The following ESRRG variants were observed in gnomAD, a reference collection of about 807,000 sequenced individuals.
ESRRG encodes the protein estrogen related receptor gamma.
In ESRRG, 13 loss-of-function variants were observed where a neutral mutation model predicts 44.0. The observed-to-expected ratio is 0.30, with a 90% confidence interval of 0.19 to 0.47. The LOEUF is 0.47. ESRRG is among the 20% of genes least tolerant of loss of function. ESRRG has a pLI of 1.00. For synonymous variants in ESRRG, 215 were observed against 214.6 expected (o/e 1.00, Z -0.02); for missense variants, 395 against 580.6 (o/e 0.68, Z 3.29).
intron 2 of ESRRG, among the ~76,000 whole-genome samples, chr1:216,932,653 G>A (rs2063520605): frequency 6.6e-6 from 1 of 150,502 alleles, no homozygotes; most frequent in African/African-American, 2.4e-5. Context: ...GAATTCCTGA[G>A]CTCAGGTGAT....
At chr1:216,724,332 C>T (rs905849057), upstream of ESRRG, among the ~76,000 whole-genome samples, 3 of 149,056 alleles carry the variant, frequency 2.0e-5, no homozygotes, top group African/African-American at 4.9e-5. Context: ...TTAAATCTCT[C>T]TCGATGCATT....
chr1:216,872,046 C>A (rs1038818519), intron 2 of ESRRG, among the ~76,000 whole-genome samples: 1 of 152,236 alleles, frequency 6.6e-6, no homozygotes, highest in East Asian at 1.9e-4. Flanking sequence ...CTTTAGTTCA[C>A]CTTCATTTCT....
intron 2 of ESRRG, among the ~76,000 whole-genome samples, chr1:216,835,153 AATC>A (rs10547362): frequency 0.46 from 69,285 of 151,744 alleles, 17,248 homozygotes; most frequent in African/African-American, 0.66. Context: ...ACCAACTGAT[AATC>A]AGAGTTGAAT....
At chr1:216,538,248 A>G (rs2051592501) in intron 5 of ESRRG, among the ~76,000 whole-genome samples, 1 of 111,976 alleles carries the variant, frequency 8.9e-6, no homozygotes, top group Non-Finnish European at 1.7e-5. Flanking sequence ...TTTTTAAAAA[A>G]TTAAAAATTT....
At chr1:216,577,867 C>A (rs1052211393) in intron 3 of ESRRG, among the ~76,000 whole-genome samples, 4 of 151,900 alleles carry the variant, frequency 2.6e-5, no homozygotes, top group Non-Finnish European at 1.5e-5. Context: ...ATCATACGGG[C>A]AACCTTGGAA....
At chr1:216,856,933 G>T (rs912540127) in intron 2 of ESRRG, among the ~76,000 whole-genome samples, 2 of 151,974 alleles carry the variant, frequency 1.3e-5, no homozygotes, top group Non-Finnish European at 2.9e-5. Context: ...ATAAATTCCA[G>T]TTGACAGCCG....
At chr1:216,551,956 GTC>G (rs1201835744) in intron 5 of ESRRG, among the ~76,000 whole-genome samples, 5 of 151,964 alleles carry the variant, frequency 3.3e-5, no homozygotes, top group Non-Finnish European at 7.4e-5. Flanking sequence ...ACCTCAGTCA[GTC>G]TCTCTACTAT....
chr1:217,135,994 G>T (rs2093044360), intron 1 of ESRRG, among the ~76,000 whole-genome samples: 1 of 152,140 alleles, frequency 6.6e-6, no homozygotes, highest in Non-Finnish European at 1.5e-5. Flanking sequence ...GGGAGAGAGA[G>T]ATGAAATTTA....
intron 1 of ESRRG, among the ~76,000 whole-genome samples, chr1:217,047,029 C>A (rs1267770295): frequency 1.3e-5 from 2 of 151,786 alleles, no homozygotes; most frequent in Admixed American, 1.3e-4. Flanking sequence ...AGGGAGGCAG[C>A]ATGATCAGCC....
At chr1:216,962,010 T>G (rs187220669) in intron 1 of ESRRG, among the ~76,000 whole-genome samples, 7 of 152,308 alleles carry the variant, frequency 4.6e-5, no homozygotes, top group Non-Finnish European at 7.4e-5. Flanking sequence ...TATCTGATAC[T>G]TCTAACCCTA....
chr1:216,680,025 A>G (rs2076775664), intron 1 of ESRRG, among the ~76,000 whole-genome samples: 1 of 152,158 alleles, frequency 6.6e-6, no homozygotes, highest in African/African-American at 2.4e-5. Context: ...GGTCCTTAAA[A>G]CAGAAGCACT....
intron 3 of ESRRG, among the ~76,000 whole-genome samples, chr1:216,629,780 G>A (rs2063802738): frequency 6.6e-6 from 1 of 152,146 alleles, no homozygotes; most frequent in Non-Finnish European, 1.5e-5. Context: ...TGATGATTTT[G>A]TTTTGGTGTC....
chr1:216,952,514 C>T (rs2067148885), intron 1 of ESRRG, among the ~76,000 whole-genome samples: 1 of 151,958 alleles, frequency 6.6e-6, no homozygotes, highest in Admixed American at 6.6e-5. Flanking sequence ...TTATTATTCC[C>T]CCATGGCATC....
chr1:216,818,522 G>T (rs1442295695), intron 2 of ESRRG, among the ~76,000 whole-genome samples: 1 of 152,116 alleles, frequency 6.6e-6, no homozygotes. Flanking sequence ...TGCCTGGCAT[G>T]GTCCTCATCC....
intron 2 of ESRRG, among the ~76,000 whole-genome samples, chr1:216,654,462 T>A (rs553559228): frequency 6.6e-6 from 1 of 152,082 alleles, no homozygotes; most frequent in East Asian, 1.9e-4. Flanking sequence ...AAACCCCATC[T>A]CTACTAAAAA....
At chr1:217,088,479 T>C (rs562548886) in intron 1 of ESRRG, among the ~76,000 whole-genome samples, 79 of 145,706 alleles carry the variant, frequency 5.4e-4, no homozygotes, top group Non-Finnish European at 9.8e-4. Flanking sequence ...TTTATGTTAG[T>C]GAAATCATTT....
upstream of ESRRG, among the ~76,000 whole-genome samples, chr1:216,726,598 C>T (rs2087568754): frequency 6.6e-6 from 1 of 152,122 alleles, no homozygotes; most frequent in Admixed American, 6.5e-5. Context: ...AGTCTATACA[C>T]TTCACAATCT....
intron 1 of ESRRG, among the ~76,000 whole-genome samples, chr1:217,075,588 T>TCCCC (rs1431513982): frequency 2.1e-4 from 26 of 125,826 alleles, no homozygotes; most frequent in Non-Finnish European, 4.3e-4. Context: ...AATTGCTCCT[T>TCCCC]TCCCCCCCCC....
intron 2 of ESRRG, among the ~76,000 whole-genome samples, chr1:216,855,939 A>C (rs1255715369): frequency 6.6e-6 from 1 of 152,192 alleles, no homozygotes; most frequent in Non-Finnish European, 1.5e-5. Context: ...GTGCTGAATA[A>C]TGATGAGGTG....
Sources: gnomAD v4.1 joint callset for allele counts (sites outside exome capture counted in the v4.1 genomes callset) on GRCh38, gnomAD v4.1.1 for gene constraint, MANE v1.5 for transcripts, NCBI Gene and HGNC (gene_info 2026-07-23, HGNC 2026-07-21) for gene names.